EEF1A2: variants seen among roughly 807,000 people sequenced by gnomAD.
The protein encoded by EEF1A2 is eukaryotic translation elongation factor 1 alpha 2.
A neutral mutation model predicts 39.3 loss-of-function variants in EEF1A2; 5 were observed. The ratio of observed to expected loss-of-function variants is 0.13; its 90% CI spans 0.07 to 0.27. The LOEUF (loss-of-function observed/expected upper bound fraction) is 0.27. EEF1A2 is among the 10% of genes least tolerant of loss of function. The pLI is 1.00. For missense variants in EEF1A2, 218 were observed against 681.4 expected (o/e 0.32, Z 7.57); for synonymous variants, 287 against 293.7 (o/e 0.98, Z 0.23).
chr20:63,489,853 T>C (rs117519022), intron 6 of EEF1A2, among the ~76,000 whole-genome samples: 1 of 152,158 alleles, frequency 6.6e-6, no homozygotes, highest in African/African-American at 2.4e-5. Context: ...AGAATAAAAG[T>C]ATGACAGAGA....
At chr20:63,492,968 G>T (rs1422266048) in intron 5 of EEF1A2, among the ~76,000 whole-genome samples, 169 bp downstream of exon 5, 1 of 151,820 alleles carries the variant, frequency 6.6e-6, no homozygotes, top group Non-Finnish European at 1.5e-5. Context: ...TGGATGGGTG[G>T]GGAGGTGGGT....
intron 7 of EEF1A2, 118 bp from the exon 8 acceptor site, chr20:63,488,543 GCAGAGCGCGCC>G: frequency 7.8e-7 from 1 of 1,274,528 alleles, no homozygotes; most frequent in Non-Finnish European, 1.0e-6. Context: ...CACGCTTAGC[GCAGAGCGCGCC>G]CCTGTGAAGA....
Position 63,495,943 on chromosome 20 carries a change from C to T in EEF1A2, c.237G>A (p.Lys79=), listed in dbSNP as rs61737389. The part of the protein sequence containing the change: ...RGITIDISLW[K]FETTKYYITI... ...TGATGTAGTACTTGGTGGTCTCGAACTTCCAGAGGGAGATGTCGATGGTGA... is the reference window on the plus strand; with the variant it reads ...TGATGTAGTACTTGGTGGTCTCGAATTTCCAGAGGGAGATGTCGATGGTGA... The change falls in exon 3 of 8, where the codon AAG becomes AAA. Residue 79 remains lysine (K), a synonymous_variant. Transcript: ENST00000217182. 4.8e-3 allele frequency: 7,791 copies of T among 1,613,388 alleles called. 90 individuals carry two copies. Among genetic ancestry groups the T allele is most frequent in the South Asian group, 0.033 (2,962 of 91,088 alleles).
At chr20:63,496,090 G>A in intron 2 of EEF1A2, 55 bp from the exon 3 acceptor site, 3 of 1,594,382 alleles carry the variant, frequency 1.9e-6, no homozygotes, top group Non-Finnish European at 2.6e-6. Flanking sequence ...AGGAGTCCCT[G>A]GTGGTGCGAG....
intron 4 of EEF1A2, among the ~76,000 whole-genome samples, chr20:63,493,643 G>A (rs1233792704): frequency 2.0e-5 from 3 of 152,206 alleles, no homozygotes; most frequent in East Asian, 1.9e-4. Flanking sequence ...TGACTAGGAG[G>A]ATGCTGAGTC....
At chr20:63,496,728 C>T (rs2082419438) in intron 2 of EEF1A2, 2 of 152,534 alleles carry the variant, frequency 1.3e-5, no homozygotes, top group African/African-American at 4.8e-5. Context: ...GGACTCTGCC[C>T]TCCAGGAGGC....
rs1057522085 is a variant in EEF1A2, at chr20:63,490,587, G to A, written c.921C>T (p.Asn307=). The A allele has an allele frequency of 1.5e-5, 24 of 1,612,694 alleles. 1 individual carries two copies. The highest frequency in any genetic ancestry group is 5.0e-5 in the Admixed American group (3 of 60,014). Residue 307 remains asparagine, a synonymous_variant, in exon 6 of 8, where the codon AAC becomes AAT. Coordinates refer to ENST00000217182, the MANE Select transcript of EEF1A2 (RefSeq NM_001958.5). ...EALSEALPGD[N]VGFNVKNVSV... is the part of the protein sequence containing the mutation. ...ACACGTTCTTCACATTGAAGCCGAC[G>A]TTGTCGCCGGGCAGAGCTTCGCTCA... is the stretch of plus-strand genomic sequence containing the variant.
In EEF1A2 at chr20:63,495,134, C is replaced by T. The variant is rs367804698; in HGVS notation, c.325-33G>A. Reference sequence around the variant, plus strand: ...GCAGGGGACACAGTGAGCCCTGCCCCGCCTGCCTGGCAGGGGACAGAGCGA... The same window carrying T: ...GCAGGGGACACAGTGAGCCCTGCCCTGCCTGCCTGGCAGGGGACAGAGCGA... On this transcript the variant is annotated intron_variant, in intron 3 of 7. Coordinates refer to ENST00000217182, the MANE Select transcript of EEF1A2 (RefSeq NM_001958.5). 91 of 1,594,588 alleles carry T rather than the reference C, an allele frequency of 5.7e-5. No individual in the cohort carries two copies. In the African/African-American group the frequency reaches 9.2e-4, roughly 16 times the overall value.
chr20:63,491,069 C>T (rs1260102243), intron 5 of EEF1A2, among the ~76,000 whole-genome samples: 2 of 152,192 alleles, frequency 1.3e-5, no homozygotes, highest in Admixed American at 1.3e-4. Context: ...CCATCCTTGC[C>T]CCCGGAGAGC....
rs310609 is a variant in EEF1A2 at position 63,490,877 on chromosome 20, A to G, written c.773-142T>C. 207,466 of 983,666 alleles carry G rather than the reference A, an allele frequency of 0.21. 23,748 individuals carry two copies. Among genetic ancestry groups the G allele is most frequent in the African/African-American group, 0.33 (20,591 of 61,746 alleles). The allele number at this position is 983,666 out of a possible 1,614,324, so 60.9% of individuals were successfully genotyped here. A position where few individuals can be genotyped will look rare whatever the true frequency, so the allele number is the denominator to read the frequency against. On this transcript the variant is annotated intron_variant, in intron 5 of 7. Transcript: ENST00000217182. Reference sequence around the variant, plus strand: ...CTGGGGGTTGGGGCCACATGGGCGGAGTGCAGGGGAAGGGAGGCCAGGGAC... The same window carrying G: ...CTGGGGGTTGGGGCCACATGGGCGGGGTGCAGGGGAAGGGAGGCCAGGGAC...
chr20:63,493,084 T>C, intron 5 of EEF1A2, 53 bp downstream of exon 5: 1 of 1,529,762 alleles, frequency 6.5e-7, no homozygotes, highest in Non-Finnish European at 8.8e-7. Flanking sequence ...GCCCCTGGTC[T>C]AGGGCAGGCA....
chr20:63,495,248 G>A (rs2082411582), intron 3 of EEF1A2, 147 bp from the exon 4 acceptor site: 10 of 1,233,072 alleles, frequency 8.1e-6, no homozygotes, highest in Non-Finnish European at 1.1e-5. Flanking sequence ...AGGCATGGGG[G>A]TCCCCACTTC....
In EEF1A2 at chr20:63,498,766, G is replaced by A. The variant is rs2082430130; in HGVS notation, c.-72+292C>T. ...CTCACCACCTCCCTCAGCGTCCTCT[G>A]GCCCAGCGCCCCGAAGCCCGACCCC... On this transcript the variant is annotated intron_variant, in intron 1 of 7. Transcript: ENST00000217182. The surrounding 1 kb of genome is among the most constrained non-coding windows in gnomAD (Gnocchi z 4.1). 1.3e-5 allele frequency: 2 copies of A among 152,124 alleles called. No homozygotes were observed. Among genetic ancestry groups the A allele is most frequent in the Admixed American group, 1.3e-4 (2 of 15,270 alleles). The allele number at this position is 152,124 out of a possible 1,614,324, so 9.4% of individuals were successfully genotyped here.
intron 4 of EEF1A2, among the ~76,000 whole-genome samples, chr20:63,494,169 G>A (rs1314504151): frequency 2.0e-5 from 3 of 152,244 alleles, no homozygotes; most frequent in Non-Finnish European, 4.4e-5. Flanking sequence ...GAGCCTAGTG[G>A]TGGCCATTCT....
At position 63,497,305 on chromosome 20, in the gene EEF1A2, G is replaced by T; in HGVS notation, c.144+315C>A. ...CTTGGCCCTGGGGGGAAGGGGGTAA[G>T]GCTCCAGCGCCCTCCAGCCCCAGCT... On this transcript the variant is annotated intron_variant, in intron 2 of 7. Coordinates refer to ENST00000217182, the MANE Select transcript of EEF1A2 (RefSeq NM_001958.5). This position sits in a 1 kb window ranked among gnomAD's most constrained non-coding sequence, Gnocchi z 7.3. The T allele has an allele frequency of 3.8e-6, 1 of 264,580 alleles. No homozygotes were observed. The highest frequency in any genetic ancestry group is 7.1e-5 in the South Asian group (1 of 14,176). 16.4% of individuals were successfully genotyped at this position (264,580 alleles called of 1,614,324 possible).
At position 63,497,892 on chromosome 20, in the gene EEF1A2, A is replaced by AG. The variant is rs1568998097; in HGVS notation, c.-71-59dup. ...ATGGGGAGCCCCAGGGGGAGACACCAGCAGAGACTGTCCTGGCACAGGCTG... is the reference window on the plus strand; with the variant it reads ...ATGGGGAGCCCCAGGGGGAGACACCAGGCAGAGACTGTCCTGGCACAGGCTG... On this transcript the variant is annotated intron_variant, in intron 1 of 7. Transcript: ENST00000217182. The surrounding 1 kb of genome is among the most constrained non-coding windows in gnomAD (Gnocchi z 7.3). The AG allele has an allele frequency of 7.8e-7, 1 of 1,274,940 alleles. No homozygotes were observed. Among genetic ancestry groups the AG allele is most frequent in the Non-Finnish European group, 1.1e-6 (1 of 925,166 alleles). The allele number at this position is 1,274,940 out of a possible 1,614,324, so 79.0% of individuals were successfully genotyped here.
chr20:63,489,214 G>C lies in EEF1A2; in HGVS notation c.1030-62C>G, dbSNP rs145000334. The C allele has an allele frequency of 9.0e-4, 1,378 of 1,538,708 alleles. 8 individuals are homozygous for C. The African/African-American group carries it at 0.012, about 14-fold the overall frequency. ...GGCGGTGGGCACCGGGAGGGCGCCA[G>C]AGCGGGGCTGGGAGGCCCAGTCACC... On this transcript the variant is annotated intron_variant, in intron 6 of 7. Coordinates refer to ENST00000217182, the MANE Select transcript of EEF1A2 (RefSeq NM_001958.5).
chr20:63,496,097 C>G, intron 2 of EEF1A2, 62 bp from the exon 3 acceptor site: 1 of 1,585,076 alleles, frequency 6.3e-7, no homozygotes, highest in Admixed American at 1.7e-5. Context: ...CCTGGTGGTG[C>G]GAGCTGCTTG....
rs553658434 is a variant in EEF1A2 at position 63,498,239 on chromosome 20, G to C, written c.-71-405C>G. On this transcript the variant is annotated intron_variant, in intron 1 of 7. Coordinates refer to ENST00000217182, the MANE Select transcript of EEF1A2 (RefSeq NM_001958.5). This position sits in a 1 kb window ranked among gnomAD's most constrained non-coding sequence, Gnocchi z 4.1. ...GCGCACTCCCCTCCCCGGCGGCAGGGCCAGGGACACGGCGCCCCACCCCCA... is the reference window on the plus strand; with the variant it reads ...GCGCACTCCCCTCCCCGGCGGCAGGCCCAGGGACACGGCGCCCCACCCCCA... 1.3e-5 allele frequency: 2 copies of C among 152,816 alleles called. No individual in the cohort carries two copies. The highest frequency in any genetic ancestry group is 3.9e-4 in the East Asian group (2 of 5,156). The allele number at this position is 152,816 out of a possible 1,614,324, so 9.5% of individuals were successfully genotyped here.
Sources: allele counts gnomAD v4.1 joint callset (sites outside exome capture counted in the v4.1 genomes callset), GRCh38; gene constraint gnomAD v4.1.1; non-coding constraint Gnocchi (gnomAD v3.1); transcripts MANE v1.5; gene names NCBI Gene and HGNC (gene_info 2026-07-23, HGNC 2026-07-21).